LGR4: variants seen among roughly 807,000 people sequenced by gnomAD.
The protein encoded by LGR4 is leucine rich repeat containing G protein-coupled receptor 4.
LGR4 carries 44 observed loss-of-function variants against 84.8 expected under a neutral mutation model. The ratio of observed to expected loss-of-function variants is 0.52; its 90% CI spans 0.41 to 0.67. The LOEUF (loss-of-function observed/expected upper bound fraction) is 0.67, where lower values mean the gene tolerates loss of function less well. Ranked by LOEUF, LGR4 falls within the 30% of genes least tolerant of loss-of-function variation. The pLI is 0.00. For missense variants in LGR4, 1,032 were observed against 1,131.4 expected, an observed-to-expected ratio of 0.91 and a Z score of 1.26; for synonymous variants, 429 against 434.3, an observed-to-expected ratio of 0.99 and a Z score of 0.15.
intron 1 of LGR4, among the ~76,000 whole-genome samples, chr11:27,415,582 GA>G (rs1396613397): frequency 6.6e-6 from 1 of 152,096 alleles, no homozygotes; most frequent in Non-Finnish European, 1.5e-5. Context: ...AACACACGGT[GA>G]GTTTTTATTT....
At chr11:27,405,656 C>T (rs1863592484) in intron 2 of LGR4, among the ~76,000 whole-genome samples, 1 of 152,116 alleles carries the variant, frequency 6.6e-6, no homozygotes, top group African/African-American at 2.4e-5. Context: ...CAAAGCACCA[C>T]CAGACTCCTG....
intron 6 of LGR4, among the ~76,000 whole-genome samples, chr11:27,383,308 T>C (rs1288179668): frequency 6.6e-6 from 1 of 152,244 alleles, no homozygotes; most frequent in Non-Finnish European, 1.5e-5. Context: ...CCTTTTCCTT[T>C]TTGTAACAGA....
At chr11:27,423,442 C>T (rs1157559756) in intron 1 of LGR4, among the ~76,000 whole-genome samples, 1 of 152,046 alleles carries the variant, frequency 6.6e-6, no homozygotes, top group Admixed American at 6.6e-5. Flanking sequence ...CAAACACATA[C>T]CCCACACACA....
intron 1 of LGR4, among the ~76,000 whole-genome samples, chr11:27,438,480 T>A (rs1326353513): frequency 3.3e-5 from 5 of 152,138 alleles, no homozygotes; most frequent in African/African-American, 1.2e-4. Context: ...CCTCCTACAA[T>A]GCCTAAGACA....
At chr11:27,410,712 T>C (rs1863694781) in intron 2 of LGR4, among the ~76,000 whole-genome samples, 1 of 152,156 alleles carries the variant, frequency 6.6e-6, no homozygotes. Flanking sequence ...TTTGAAGTAT[T>C]CTTTAAAAAT....
In LGR4 at chr11:27,472,174, G is replaced by A; in HGVS notation, c.129C>T (p.Cys43=). The change falls in exon 1 of 18, where the codon TGC becomes TGT. Residue 43 remains cysteine (C), a synonymous_variant. Coordinates refer to ENST00000379214, the MANE Select transcript of LGR4 (RefSeq NM_018490.5). The part of the protein sequence containing the change: ...CSCDGDRRVD[C]SGKGLTAVPE... ...GCACGGCCGTCAGCCCCTTCCCGGA[G>A]CAGTCCACCCGACGGTCGCCGTCGC... is the stretch of plus-strand genomic sequence containing the variant. 3 of 1,370,998 alleles carry A rather than the reference G, an allele frequency of 2.2e-6. No homozygotes were observed. The highest frequency in any genetic ancestry group is 2.8e-6 in the Non-Finnish European group (3 of 1,058,458). 84.9% of individuals were successfully genotyped at this position (1,370,998 alleles called of 1,614,324 possible). A position where few individuals can be genotyped will look rare whatever the true frequency, so the allele number is the denominator to read the frequency against.
intron 2 of LGR4, among the ~76,000 whole-genome samples, chr11:27,404,725 T>G (rs529267397): frequency 2.0e-5 from 3 of 152,084 alleles, no homozygotes; most frequent in Non-Finnish European, 4.4e-5. Flanking sequence ...CCTAGGAGTT[T>G]TGCAGTGAGG....
At chr11:27,447,591 A>G (rs1864413922) in intron 1 of LGR4, among the ~76,000 whole-genome samples, 1 of 152,172 alleles carries the variant, frequency 6.6e-6, no homozygotes, top group South Asian at 2.1e-4. Flanking sequence ...AAAATAGCTA[A>G]CCAGCAACCC....
intron 1 of LGR4, among the ~76,000 whole-genome samples, chr11:27,416,714 G>T (rs1215671999): frequency 6.6e-6 from 1 of 152,122 alleles, no homozygotes. Context: ...TTAAACAAAA[G>T]ATTAGAAATA....
intron 1 of LGR4, among the ~76,000 whole-genome samples, chr11:27,415,890 A>T (rs931067868): frequency 6.6e-6 from 1 of 152,138 alleles, no homozygotes; most frequent in East Asian, 1.9e-4. Context: ...TAGATCTGAC[A>T]TTACCAACAC....
At chr11:27,372,211 GTAATTA>G in intron 16 of LGR4, 66 bp downstream of exon 16, 3 of 923,886 alleles carry the variant, frequency 3.2e-6, no homozygotes, top group South Asian at 1.3e-5. Context: ...CATTCACAAA[GTAATTA>G]TAATAACAGG....
intron 7 of LGR4, 59 bp downstream of exon 7, chr11:27,382,129 A>G (rs1287589991): frequency 9.1e-7 from 1 of 1,099,060 alleles, no homozygotes; most frequent in Non-Finnish European, 1.4e-6. Flanking sequence ...CCATTGTTGG[A>G]ACATTAAATG....
intron 15 of LGR4, chr11:27,373,015 A>G (rs1862913274): frequency 6.6e-6 from 1 of 152,464 alleles, no homozygotes; most frequent in Non-Finnish European, 1.5e-5. Flanking sequence ...ACGTGCCACC[A>G]CATCCAGCTA....
intron 1 of LGR4, among the ~76,000 whole-genome samples, chr11:27,455,719 T>C (rs576786649): frequency 3.3e-5 from 5 of 152,264 alleles, no homozygotes; most frequent in African/African-American, 1.2e-4. Context: ...ACATGTACAA[T>C]GGATGAACGC....
chr11:27,378,913 C>T (rs1863038475), intron 10 of LGR4, 145 bp from the exon 11 acceptor site: 1 of 612,768 alleles, frequency 1.6e-6, no homozygotes, highest in East Asian at 2.8e-5. Context: ...TAAAGTTAGA[C>T]ATGCAAGAAG....
At chr11:27,414,252 T>C (rs1863769212) in intron 1 of LGR4, among the ~76,000 whole-genome samples, 1 of 152,082 alleles carries the variant, frequency 6.6e-6, no homozygotes, top group South Asian at 2.1e-4. Context: ...CTGTTATTAA[T>C]ACTTCTCTCC....
chr11:27,367,971 C>A lies in LGR4; in HGVS notation c.2752G>T (p.Asp918Tyr). The change falls in exon 18 of 18, where the codon GAC becomes TAC. Residue 918 changes from aspartate (D) to tyrosine (Y), a missense_variant. By Grantham distance (160) the Asp-to-Tyr change is radical. Transcript: ENST00000379214. ...YADEEDSFVSDSSDQVQACGR... is the reference protein window; with the variant it reads ...YADEEDSFVSYSSDQVQACGR... Reference sequence around the variant, plus strand: ...CAGGCCTGCACCTGGTCAGAACTGTCTGAGACAAAGGAATCTTCTTCATCT... The same window carrying A: ...CAGGCCTGCACCTGGTCAGAACTGTATGAGACAAAGGAATCTTCTTCATCT... 6.2e-7 allele frequency: 1 copy of A among 1,614,082 alleles called. No individual in the cohort carries two copies. Among genetic ancestry groups the A allele is most frequent in the South Asian group, 1.1e-5 (1 of 91,058 alleles).
At chr11:27,418,098 A>G (rs1863854863) in intron 1 of LGR4, among the ~76,000 whole-genome samples, 1 of 152,246 alleles carries the variant, frequency 6.6e-6, no homozygotes, top group Admixed American at 6.5e-5. Flanking sequence ...GTACGTGGAT[A>G]GTAAGGCTTT....
rs936698792 is a variant in LGR4 at position 27,472,340 on chromosome 11, G to A, written c.-38C>T. On this transcript the variant is annotated 5_prime_UTR_variant, in exon 1 of 18. Transcript: ENST00000379214. ...CTCCCGCGCCGGCCTCTCCCGCGGC[G>A]CTGCTCGCTCCGCTGCCCTCCGATG... is the stretch of plus-strand genomic sequence containing the variant. 4.2e-5 allele frequency: 50 copies of A among 1,190,876 alleles called. No homozygotes were observed. The highest frequency in any genetic ancestry group is 3.8e-4 in the South Asian group (9 of 23,948). 73.8% of individuals were successfully genotyped at this position (1,190,876 alleles called of 1,614,324 possible). A position where few individuals can be genotyped will look rare whatever the true frequency, so the allele number is the denominator to read the frequency against.
Sources: allele counts gnomAD v4.1 joint callset (sites outside exome capture counted in the v4.1 genomes callset), GRCh38; gene constraint gnomAD v4.1.1; transcripts MANE v1.5; gene names NCBI Gene and HGNC (gene_info 2026-07-23, HGNC 2026-07-21).